Variants in CDK5RAP2 observed in about 807,000 individuals in gnomAD.
CDK5RAP2 encodes CDK5 regulatory subunit associated protein 2.
Under a neutral mutation model 232.9 loss-of-function variants are expected in CDK5RAP2, and 147 were observed. The observed-to-expected ratio is 0.63, with a 90% CI of 0.55 to 0.72. The LOEUF is 0.72. CDK5RAP2 is among the 30% of genes least tolerant of loss of function. The pLI is 0.00. For missense variants in CDK5RAP2, 2,195 were observed against 2,231.5 expected (o/e 0.98, Z 0.33); for synonymous variants, 833 against 833.7 (o/e 1.00, Z 0.01).
In CDK5RAP2 at chr9:120,487,301, A is replaced by C. The variant is rs138242197; in HGVS notation, c.1619T>G (p.Phe540Cys). ...AATTTCAGTCAAGCTTACCTTAGAGAAGATGGTTTTGCTGCCTGGTGGCTG... is the reference window on the plus strand; with the variant it reads ...AATTTCAGTCAAGCTTACCTTAGAGCAGATGGTTTTGCTGCCTGGTGGCTG... The part of the protein sequence containing the change: ...SQQPPGSKTI[F>C]SKEKKQSSDY... The change falls in exon 14 of 38, where the codon TTC becomes TGC. Residue 540 changes from phenylalanine to cysteine, a missense_variant. Physicochemically the swap from Phe to Cys is radical, Grantham distance 205 (BLOSUM62 -2). Coordinates refer to ENST00000349780, the MANE Select transcript of CDK5RAP2 (RefSeq NM_018249.6). 159 of 1,614,054 alleles carry C rather than the reference A, an allele frequency of 9.9e-5. No individual in the cohort carries two copies. The highest frequency in any genetic ancestry group is 1.3e-4 in the Non-Finnish European group (154 of 1,180,002).
At chr9:120,414,813 A>G (rs1564188062) in intron 28 of CDK5RAP2, among the ~76,000 whole-genome samples, 1 of 152,246 alleles carries the variant, frequency 6.6e-6, no homozygotes, top group Non-Finnish European at 1.5e-5. Flanking sequence ...AAAAGACAAT[A>G]TATTGCTTTG....
chr9:120,477,299 ATG>A (rs1377438261), intron 15 of CDK5RAP2, 49 bp downstream of exon 15: 26 of 1,281,616 alleles, frequency 2.0e-5, no homozygotes, highest in Non-Finnish European at 2.7e-5. Flanking sequence ...ATGCGCGTGC[ATG>A]TGTGTGTGTT....
At chr9:120,389,683 G>T in intron 37 of CDK5RAP2, 58 bp downstream of exon 37, 1 of 1,505,920 alleles carries the variant, frequency 6.6e-7, no homozygotes, top group Non-Finnish European at 9.2e-7. Context: ...GTCCTTTCTG[G>T]CCCTGCACTC....
intron 12 of CDK5RAP2, among the ~76,000 whole-genome samples, chr9:120,512,703 A>C (rs1455524732): frequency 6.6e-6 from 1 of 152,250 alleles, no homozygotes; most frequent in African/African-American, 2.4e-5. Flanking sequence ...GATAGAGTCC[A>C]TAGACCTGAA....
intron 3 of CDK5RAP2, among the ~76,000 whole-genome samples, chr9:120,563,521 T>C (rs751667565): frequency 6.6e-6 from 1 of 152,214 alleles, no homozygotes. Flanking sequence ...TTGAGTACCC[T>C]CTATGCACCA....
intron 28 of CDK5RAP2, among the ~76,000 whole-genome samples, chr9:120,413,818 GAGGGAGGAGGGA>G (rs2034015469): frequency 7.2e-6 from 1 of 139,358 alleles, no homozygotes; most frequent in Admixed American, 7.1e-5. Context: ...GAGGAGGGAG[GAGGGAGGAGGGA>G]GGAGGGAGGA....
intron 12 of CDK5RAP2, among the ~76,000 whole-genome samples, chr9:120,497,125 T>C (rs2039326512): frequency 7.7e-6 from 1 of 129,712 alleles, no homozygotes; most frequent in Non-Finnish European, 1.5e-5. Flanking sequence ...AACCCTGTGC[T>C]CTCTGAAACA....
rs373775777 is a variant in CDK5RAP2 at position 120,471,751 on chromosome 9, C to T, written c.1855G>A (p.Glu619Lys). The change falls in exon 16 of 38, where the codon GAA becomes AAA. Residue 619 changes from glutamate to lysine, a missense_variant. Glu to Lys is a moderately conservative substitution (Grantham distance 56). Transcript: ENST00000349780. The part of the protein sequence containing the change: ...EEQISEIRRR[E>K]EESFSLYSDQ... ...GCACATAGAATAAAGTGTGTACCTT[C>T]CCGCCTCCGAATTTCGCTGATCTGC... The T allele has an allele frequency of 1.1e-4, 184 of 1,614,032 alleles. No individual in the cohort carries two copies. Among genetic ancestry groups the T allele is most frequent in the East Asian group, 6.5e-4 (29 of 44,886 alleles).
chr9:120,578,555 T>C (rs1371255887), intron 1 of CDK5RAP2, among the ~76,000 whole-genome samples: 1 of 132,442 alleles, frequency 7.6e-6, no homozygotes, highest in Non-Finnish European at 1.6e-5. Context: ...TAAATATTAA[T>C]TATTTTCACT....
chr9:120,529,967 T>C lies in CDK5RAP2; in HGVS notation c.825+11A>G. ...TAATTAAAGCCCCCTCTTCATGTCC[T>C]GTCACCTCACCTCAGTTTCTCTCTC... On this transcript the variant is annotated intron_variant, in intron 8 of 37. Transcript: ENST00000349780. 2 of 1,613,596 alleles carry C rather than the reference T, an allele frequency of 1.2e-6. No homozygotes were observed. Among genetic ancestry groups the C allele is most frequent in the East Asian group, 2.2e-5 (1 of 44,842 alleles).
intron 20 of CDK5RAP2, among the ~76,000 whole-genome samples, chr9:120,457,631 G>A (rs2036853352): frequency 6.6e-6 from 1 of 152,198 alleles, no homozygotes; most frequent in African/African-American, 2.4e-5. Context: ...ATGCCTGTAA[G>A]GCTTAGTCCA....
chr9:120,485,635 A>G (rs961208521), intron 14 of CDK5RAP2, among the ~76,000 whole-genome samples: 2 of 152,226 alleles, frequency 1.3e-5, no homozygotes, highest in Non-Finnish European at 2.9e-5. Flanking sequence ...AACTTAATAT[A>G]TTCAAAGTAA....
At chr9:120,494,090 TAAAAAA>T (rs532352159) in intron 12 of CDK5RAP2, among the ~76,000 whole-genome samples, 2 of 119,266 alleles carry the variant, frequency 1.7e-5, no homozygotes, top group Non-Finnish European at 3.6e-5. Flanking sequence ...AGACTCAGTT[TAAAAAA>T]AAAAAAAAAA....
At chr9:120,426,977 G>C (rs1224351747) in intron 25 of CDK5RAP2, among the ~76,000 whole-genome samples, 1 of 152,110 alleles carries the variant, frequency 6.6e-6, no homozygotes, top group Admixed American at 6.5e-5. Flanking sequence ...TTCCCATCAT[G>C]GTCTGAACTA....
chr9:120,568,960 C>G (rs1053176159), intron 2 of CDK5RAP2, among the ~76,000 whole-genome samples: 18 of 152,282 alleles, frequency 1.2e-4, no homozygotes, highest in Admixed American at 3.9e-4. Flanking sequence ...AACTGCTGAC[C>G]TGTTTTAAAG....
chr9:120,555,311 T>C (rs1413603636), intron 3 of CDK5RAP2, among the ~76,000 whole-genome samples: 1 of 151,908 alleles, frequency 6.6e-6, no homozygotes, highest in Non-Finnish European at 1.5e-5. Flanking sequence ...TTTTGTATTT[T>C]TTTTTAAATA....
At chr9:120,513,480 G>A (rs2040187598) in intron 12 of CDK5RAP2, among the ~76,000 whole-genome samples, 1 of 152,090 alleles carries the variant, frequency 6.6e-6, no homozygotes, top group African/African-American at 2.4e-5. Context: ...ACCCTTTACT[G>A]CAGCCCCAAA....
intron 24 of CDK5RAP2, among the ~76,000 whole-genome samples, chr9:120,438,761 T>C (rs1156583804): frequency 6.6e-6 from 1 of 152,204 alleles, no homozygotes; most frequent in Admixed American, 6.5e-5. Flanking sequence ...GAAAAATTCA[T>C]CCTGGCTCCT....
intron 21 of CDK5RAP2, among the ~76,000 whole-genome samples, chr9:120,450,552 A>G (rs964427400): frequency 6.6e-6 from 1 of 152,224 alleles, no homozygotes; most frequent in Non-Finnish European, 1.5e-5. Context: ...AAGTTTTTAA[A>G]TAGCAGAGGA....
Sources: allele counts gnomAD v4.1 joint callset (sites outside exome capture counted in the v4.1 genomes callset), GRCh38; gene constraint gnomAD v4.1.1; transcripts MANE v1.5; gene names NCBI Gene and HGNC (gene_info 2026-07-23, HGNC 2026-07-21).